NKAIN2: variants seen among roughly 807,000 people sequenced by gnomAD.
NKAIN2 encodes sodium/potassium transporting ATPase interacting 2.
A neutral mutation model predicts 32.6 loss-of-function variants in NKAIN2; 14 were observed. That is an observed-to-expected ratio of 0.43 (90% CI 0.28 to 0.67). The LOEUF (loss-of-function observed/expected upper bound fraction) is 0.67, where lower values mean the gene tolerates loss of function less well. NKAIN2 is among the 30% of genes least tolerant of loss of function. NKAIN2 has a pLI of 0.17. For synonymous variants in NKAIN2, 80 were observed against 87.2 expected, an observed-to-expected ratio of 0.92 and a Z score of 0.46; for missense variants, 198 against 258.3, an observed-to-expected ratio of 0.77 and a Z score of 1.60.
chr6:123,995,504 AAG>A (rs1192948860), intron 1 of NKAIN2, among the ~76,000 whole-genome samples: 4 of 152,208 alleles, frequency 2.6e-5, no homozygotes, highest in African/African-American at 9.7e-5. Flanking sequence ...TTGCTCAAAA[AAG>A]AGTAAATTCT....
At chr6:123,902,933 T>A (rs1462318858) in intron 1 of NKAIN2, among the ~76,000 whole-genome samples, 2 of 152,220 alleles carry the variant, frequency 1.3e-5, no homozygotes, top group Admixed American at 1.3e-4. Context: ...AGAGCCTTAA[T>A]CTATTACTAA....
chr6:124,316,930 C>T (rs1423228708), intron 2 of NKAIN2, among the ~76,000 whole-genome samples: 1 of 152,022 alleles, frequency 6.6e-6, no homozygotes, highest in East Asian at 1.9e-4. Context: ...TGTTGTGTTG[C>T]TTTATTTTTC....
chr6:124,413,709 A>G (rs930528008), intron 3 of NKAIN2, among the ~76,000 whole-genome samples: 2 of 152,172 alleles, frequency 1.3e-5, no homozygotes, highest in African/African-American at 4.8e-5. Flanking sequence ...TTACTTTGTC[A>G]TCTTCAATTT....
intron 1 of NKAIN2, among the ~76,000 whole-genome samples, chr6:123,893,133 G>A (rs1774099979): frequency 1.3e-5 from 2 of 151,882 alleles, no homozygotes; most frequent in South Asian, 2.1e-4. Context: ...CTTGCTCCAC[G>A]AACTTCTTTC....
intron 1 of NKAIN2, among the ~76,000 whole-genome samples, chr6:124,192,580 G>C (rs996015796): frequency 6.6e-6 from 1 of 152,026 alleles, no homozygotes; most frequent in African/African-American, 2.4e-5. Context: ...GTTATGTGTA[G>C]TGTTCAATAA....
chr6:124,557,293 G>T (rs1007591520), intron 3 of NKAIN2, among the ~76,000 whole-genome samples: 1 of 151,946 alleles, frequency 6.6e-6, no homozygotes. Context: ...GGGAAATTTC[G>T]TATTCAAAGT....
At chr6:124,445,262 C>CT (rs1562189584) in intron 3 of NKAIN2, among the ~76,000 whole-genome samples, 1 of 152,028 alleles carries the variant, frequency 6.6e-6, no homozygotes, top group South Asian at 2.1e-4. Context: ...ATATCATTCA[C>CT]TTTTTGGTTT....
At chr6:124,583,209 G>A (rs1781585238) in intron 3 of NKAIN2, among the ~76,000 whole-genome samples, 1 of 132,912 alleles carries the variant, frequency 7.5e-6, no homozygotes, top group Non-Finnish European at 1.6e-5. Context: ...CTTATAATTG[G>A]TAAAACCTAA....
At chr6:123,945,802 G>T (rs1163043827) in intron 1 of NKAIN2, among the ~76,000 whole-genome samples, 1 of 152,108 alleles carries the variant, frequency 6.6e-6, no homozygotes, top group African/African-American at 2.4e-5. Context: ...CTTTCAATCA[G>T]ATATAATTCA....
chr6:124,603,387 T>C (rs957475992), intron 3 of NKAIN2, among the ~76,000 whole-genome samples: 2 of 151,968 alleles, frequency 1.3e-5, no homozygotes, highest in Non-Finnish European at 2.9e-5. Context: ...ATTCCTTAAA[T>C]TCCTGCATTT....
intron 1 of NKAIN2, among the ~76,000 whole-genome samples, chr6:124,263,717 T>TTTGTTTG (rs78078836): frequency 1.2e-4 from 9 of 73,532 alleles, no homozygotes; most frequent in Admixed American, 8.1e-4. Flanking sequence ...TGTTTGTTTG[T>TTTGTTTG]TTAATTTAAA....
At chr6:124,291,546 A>G (rs1461925286) in intron 2 of NKAIN2, among the ~76,000 whole-genome samples, 1 of 151,960 alleles carries the variant, frequency 6.6e-6, no homozygotes, top group African/African-American at 2.4e-5. Context: ...TAACTGAGGT[A>G]AGTTCTTCCA....
intron 1 of NKAIN2, among the ~76,000 whole-genome samples, chr6:123,826,089 C>A (rs1026303987): frequency 9.2e-5 from 14 of 152,066 alleles, no homozygotes; most frequent in African/African-American, 2.7e-4. Flanking sequence ...CTATGGTATT[C>A]TTCGGCCGGA....
At chr6:124,743,189 C>A (rs199516657) in intron 4 of NKAIN2, among the ~76,000 whole-genome samples, 1 of 151,824 alleles carries the variant, frequency 6.6e-6, no homozygotes, top group Non-Finnish European at 1.5e-5. Context: ...GGAAGCTTGC[C>A]TAACCACTCT....
chr6:123,843,269 G>A (rs1774951509), intron 1 of NKAIN2, among the ~76,000 whole-genome samples: 1 of 152,154 alleles, frequency 6.6e-6, no homozygotes, highest in Non-Finnish European at 1.5e-5. Context: ...ATTGAAGGGT[G>A]GTGTATGCAG....
At chr6:124,790,709 A>G (rs1349972557) in intron 4 of NKAIN2, among the ~76,000 whole-genome samples, 1 of 152,070 alleles carries the variant, frequency 6.6e-6, no homozygotes, top group African/African-American at 2.4e-5. Flanking sequence ...AAGCACACAG[A>G]CCTTTTTGTA....
intron 1 of NKAIN2, among the ~76,000 whole-genome samples, chr6:124,137,763 A>G (rs1191396092): frequency 6.6e-6 from 1 of 152,118 alleles, no homozygotes; most frequent in East Asian, 1.9e-4. Flanking sequence ...ATAAAGTCGG[A>G]AAAGGACACC....
intron 1 of NKAIN2, among the ~76,000 whole-genome samples, chr6:123,897,010 G>A (rs1283438925): frequency 6.6e-6 from 1 of 152,090 alleles, no homozygotes; most frequent in Non-Finnish European, 1.5e-5. Context: ...GACTCAGTAG[G>A]TGCTGACTGG....
In NKAIN2 at chr6:124,539,466, A is replaced by G. The variant is rs1779832799; in HGVS notation, c.274-118720A>G. Among the ~76,000 whole-genome samples, 3 of 152,130 alleles carry G rather than the reference A, an allele frequency of 2.0e-5. No homozygotes were observed. The South Asian group carries it at 6.2e-4, about 31-fold the overall frequency. On this transcript the variant is annotated intron_variant, in intron 3 of 6. Coordinates refer to ENST00000368417, the MANE Select transcript of NKAIN2 (RefSeq NM_001040214.3). ...AGGATTTTCCTTTTGCATGTATACAAGTTAATCAAATTAATCCTCAGGAAT... is the reference window on the plus strand; with the variant it reads ...AGGATTTTCCTTTTGCATGTATACAGGTTAATCAAATTAATCCTCAGGAAT...
Sources: allele counts gnomAD v4.1 joint callset (sites outside exome capture counted in the v4.1 genomes callset), GRCh38; gene constraint gnomAD v4.1.1; transcripts MANE v1.5; gene names NCBI Gene and HGNC (gene_info 2026-07-23, HGNC 2026-07-21).